The following IPCEF1 variants were observed in gnomAD, a reference collection of about 807,000 sequenced individuals.
IPCEF1 encodes interactor protein for cytohesin exchange factors 1.
A neutral mutation model predicts 50.9 loss-of-function variants in IPCEF1; 31 were observed. That is an observed-to-expected ratio of 0.61 (90% CI 0.46 to 0.82). IPCEF1 has a LOEUF of 0.82. Among genes scored for constraint, IPCEF1 ranks in the 40% least tolerant of loss-of-function variants. IPCEF1 has a pLI of 0.00. For synonymous variants in IPCEF1, 181 were observed against 192.0 expected (o/e 0.94, Z 0.47); for missense variants, 458 against 514.0 (o/e 0.89, Z 1.05).
At chr6:154,262,037 CTAAT>C (rs1410135639) in intron 3 of IPCEF1, among the ~76,000 whole-genome samples, 1 of 152,150 alleles carries the variant, frequency 6.6e-6, no homozygotes, top group Non-Finnish European at 1.5e-5. Context: ...GAAAATTGAA[CTAAT>C]TTTCTGAATG....
intron 1 of IPCEF1, among the ~76,000 whole-genome samples, chr6:154,298,335 C>T (rs1782713743): frequency 1.3e-5 from 2 of 152,164 alleles, no homozygotes; most frequent in South Asian, 4.1e-4. Context: ...AGATACACCC[C>T]ATTTTGATGT....
chr6:154,325,172 G>C (rs1783488659), intron 1 of IPCEF1, among the ~76,000 whole-genome samples: 1 of 152,032 alleles, frequency 6.6e-6, no homozygotes, highest in African/African-American at 2.4e-5. Context: ...TCATTTATTA[G>C]ATGGAAATTC....
chr6:154,270,855 G>A (rs1257894868), intron 2 of IPCEF1, among the ~76,000 whole-genome samples: 9 of 151,960 alleles, frequency 5.9e-5, no homozygotes, highest in African/African-American at 2.2e-4. Flanking sequence ...GCACACTTGT[G>A]GTCCCAGCTA....
At position 154,214,338 on chromosome 6, in the gene IPCEF1, C is replaced by T. The variant is rs565516850; in HGVS notation, c.393-62G>A. ...GATTAGCCCCCCACCCATTCACCTTCCCCCAGAGTTTGTTATGAAATTAGG... is the reference window on the plus strand; with the variant it reads ...GATTAGCCCCCCACCCATTCACCTTTCCCCAGAGTTTGTTATGAAATTAGG... On this transcript the variant is annotated intron_variant, in intron 7 of 11. Transcript: ENST00000367220. 581 of 1,092,396 alleles carry T rather than the reference C, an allele frequency of 5.3e-4. 4 individuals carry two copies. The African/African-American group carries it at 8.3e-3, about 16-fold the overall frequency. The allele number at this position is 1,092,396 out of a possible 1,614,324, so 67.7% of individuals were successfully genotyped here. A position where few individuals can be genotyped will look rare whatever the true frequency, so the allele number is the denominator to read the frequency against.
chr6:154,166,608 T>A (rs1203604009), intron 11 of IPCEF1, among the ~76,000 whole-genome samples: 7 of 152,096 alleles, frequency 4.6e-5, no homozygotes, highest in Admixed American at 4.6e-4. Flanking sequence ...TCAACCAGAG[T>A]ATTTTTGCAC....
At chr6:154,173,450 G>C (rs763890965) in intron 10 of IPCEF1, among the ~76,000 whole-genome samples, 12 of 152,178 alleles carry the variant, frequency 7.9e-5, no homozygotes, top group Non-Finnish European at 1.8e-4. Context: ...TGACTAACTA[G>C]AATAGCCAGT....
At chr6:154,276,119 G>A (rs1782051105) in intron 2 of IPCEF1, among the ~76,000 whole-genome samples, 1 of 152,098 alleles carries the variant, frequency 6.6e-6, no homozygotes, top group Non-Finnish European at 1.5e-5. Context: ...GGGAGGTGGA[G>A]GTTGCAGTGA....
intron 5 of IPCEF1, among the ~76,000 whole-genome samples, chr6:154,234,152 G>A (rs902161303): frequency 6.6e-6 from 1 of 152,144 alleles, no homozygotes; most frequent in African/African-American, 2.4e-5. Context: ...AGGTTGTGGT[G>A]AGCTATGATC....
chr6:154,308,173 G>A (rs1458895168), intron 1 of IPCEF1, among the ~76,000 whole-genome samples: 2 of 152,184 alleles, frequency 1.3e-5, no homozygotes, highest in Admixed American at 6.5e-5. Flanking sequence ...GGCGTGCAGT[G>A]GTGCAATCAT....
At chr6:154,294,258 C>T (rs1186232351) in intron 1 of IPCEF1, among the ~76,000 whole-genome samples, 1 of 152,146 alleles carries the variant, frequency 6.6e-6, no homozygotes, top group African/African-American at 2.4e-5. Context: ...TAAAATACAT[C>T]CTAAGAAGCA....
chr6:154,219,600 G>A (rs1241954461), intron 7 of IPCEF1, among the ~76,000 whole-genome samples: 6 of 152,000 alleles, frequency 3.9e-5, no homozygotes, highest in African/African-American at 1.4e-4. Context: ...ACACAGCAAG[G>A]GCTTTGCTAA....
chr6:154,176,355 T>C (rs1800327824), intron 10 of IPCEF1, among the ~76,000 whole-genome samples: 1 of 152,194 alleles, frequency 6.6e-6, no homozygotes, highest in Admixed American at 6.5e-5. Flanking sequence ...ATAAAGTGTA[T>C]TCAATTAGGA....
At chr6:154,276,147 G>A (rs796089337) in intron 2 of IPCEF1, among the ~76,000 whole-genome samples, 6 of 151,784 alleles carry the variant, frequency 4.0e-5, no homozygotes, top group South Asian at 2.1e-4. Context: ...TTGTGCCACT[G>A]CACTCCAGCC....
At chr6:154,339,134 C>T (rs757089269) in intron 1 of IPCEF1, among the ~76,000 whole-genome samples, 4 of 151,992 alleles carry the variant, frequency 2.6e-5, no homozygotes, top group African/African-American at 4.8e-5. Context: ...GGTGTATATT[C>T]AGGGCAACTT....
chr6:154,323,920 T>C (rs1021165130), intron 1 of IPCEF1, among the ~76,000 whole-genome samples: 3 of 152,204 alleles, frequency 2.0e-5, no homozygotes, highest in African/African-American at 7.2e-5. Flanking sequence ...GCCATTGCAC[T>C]CCAGCCTGGA....
chr6:154,263,192 T>C (rs1363386533), intron 3 of IPCEF1, among the ~76,000 whole-genome samples: 1 of 151,988 alleles, frequency 6.6e-6, no homozygotes, highest in East Asian at 1.9e-4. Flanking sequence ...CATTAAATCT[T>C]GACCACAGGA....
intron 2 of IPCEF1, among the ~76,000 whole-genome samples, chr6:154,281,184 C>CAAAAAAAAAAAAAAAAAA (rs35597942): frequency 1.7e-5 from 1 of 59,148 alleles, no homozygotes; most frequent in Non-Finnish European, 4.0e-5. Context: ...TACTAAAATA[C>CAAAAAAAAAAAAAAAAAA]AAAAAAAAAA....
chr6:154,304,082 G>C (rs1194769160), intron 1 of IPCEF1, among the ~76,000 whole-genome samples: 8 of 151,884 alleles, frequency 5.3e-5, no homozygotes, highest in African/African-American at 9.7e-5. Flanking sequence ...AGTTAGCCTG[G>C]TGTGGTGGGG....
In IPCEF1 at chr6:154,184,544, T is replaced by C. The variant is rs529660748; in HGVS notation, c.910+15124A>G. Among the ~76,000 whole-genome samples the C allele has an allele frequency of 4.7e-4, 72 of 151,758 alleles. 3 individuals are homozygous for C. The South Asian group carries it at 0.014, about 29-fold the overall frequency. ...GTGTACATCTATGTATGTGTATGTA[T>C]ATATATATATGCGCATTGGTACATA... On this transcript the variant is annotated intron_variant, in intron 10 of 11. Coordinates refer to ENST00000367220, the MANE Select transcript of IPCEF1 (RefSeq NM_001130700.2).
Sources: allele counts gnomAD v4.1 joint callset (sites outside exome capture counted in the v4.1 genomes callset), GRCh38; gene constraint gnomAD v4.1.1; transcripts MANE v1.5; gene names NCBI Gene and HGNC (gene_info 2026-07-23, HGNC 2026-07-21).